TMTC2: variants seen among roughly 807,000 people sequenced by gnomAD.
TMTC2 encodes protein O-mannosyl-transferase TMTC2.
A neutral mutation model predicts 82.4 loss-of-function variants in TMTC2; 43 were observed. The observed-to-expected ratio is 0.52, with a 90% confidence interval of 0.41 to 0.67. The LOEUF (loss-of-function observed/expected upper bound fraction) is 0.67, where lower values mean the gene tolerates loss of function less well. Among genes scored for constraint, TMTC2 ranks in the 30% least tolerant of loss-of-function variants. The probability of loss-of-function intolerance (pLI) is 0.00; values close to 1 mark genes in which losing one functional copy is unlikely to be tolerated. For synonymous variants in TMTC2, 408 were observed against 381.9 expected (o/e 1.07, Z -0.80); for missense variants, 919 against 1,012.4 (o/e 0.91, Z 1.25).
At chr12:82,924,475 G>A (rs915786505) in intron 3 of TMTC2, among the ~76,000 whole-genome samples, 3 of 152,154 alleles carry the variant, frequency 2.0e-5, no homozygotes, top group Non-Finnish European at 4.4e-5. Context: ...AACCTTGTCT[G>A]AAGCTGGTAA....
chr12:82,874,846 G>A (rs972566708), intron 2 of TMTC2, among the ~76,000 whole-genome samples: 18 of 151,882 alleles, frequency 1.2e-4, no homozygotes, highest in African/African-American at 3.6e-4. Flanking sequence ...CTGATTCATT[G>A]TTCCATGCAA....
At chr12:82,698,480 T>C (rs893368139) in intron 1 of TMTC2, among the ~76,000 whole-genome samples, 5 of 152,210 alleles carry the variant, frequency 3.3e-5, no homozygotes, top group African/African-American at 1.2e-4. Context: ...TACTTAGCTG[T>C]AGAGTGGTTG....
intron 2 of TMTC2, among the ~76,000 whole-genome samples, chr12:82,872,814 CAAT>C (rs972901940): frequency 1.3e-5 from 2 of 152,126 alleles, no homozygotes; most frequent in African/African-American, 4.8e-5. Context: ...TTCCCTTATT[CAAT>C]ATCCAAAACC....
chr12:83,120,771 C>G (rs1248213156), intron 11 of TMTC2, among the ~76,000 whole-genome samples: 3 of 152,182 alleles, frequency 2.0e-5, no homozygotes, highest in South Asian at 2.1e-4. Context: ...GATTTATCTT[C>G]TTCCTCAAAA....
intron 4 of TMTC2, among the ~76,000 whole-genome samples, chr12:82,934,452 T>A (rs972552573): frequency 3.3e-5 from 5 of 149,458 alleles, no homozygotes; most frequent in Non-Finnish European, 7.4e-5. Flanking sequence ...ATAGTTCAAC[T>A]CCCACTTATG....
chr12:82,936,538 C>A (rs1437023379), intron 4 of TMTC2, among the ~76,000 whole-genome samples: 1 of 151,860 alleles, frequency 6.6e-6, no homozygotes, highest in Admixed American at 6.6e-5. Context: ...ATTTAAACAC[C>A]ATTATCAGAT....
intron 1 of TMTC2, among the ~76,000 whole-genome samples, chr12:82,744,399 G>A (rs1875573178): frequency 6.6e-6 from 1 of 152,082 alleles, no homozygotes; most frequent in Non-Finnish European, 1.5e-5. Context: ...CTTCAGCCCG[G>A]TTGACAGAGC....
chr12:82,691,214 A>T (rs1239317906), intron 1 of TMTC2, among the ~76,000 whole-genome samples: 1 of 152,200 alleles, frequency 6.6e-6, no homozygotes, highest in Non-Finnish European at 1.5e-5. Context: ...AGTAGAAAAT[A>T]TATTTGCGAC....
At chr12:82,822,167 G>GT in intron 1 of TMTC2, among the ~76,000 whole-genome samples, 1 of 152,236 alleles carries the variant, frequency 6.6e-6, no homozygotes, top group African/African-American at 2.4e-5. Context: ...AGGAGGGAGG[G>GT]ATGAAAAGGC....
intron 1 of TMTC2, among the ~76,000 whole-genome samples, chr12:82,706,028 G>T (rs1001000264): frequency 6.6e-6 from 1 of 152,044 alleles, no homozygotes; most frequent in Non-Finnish European, 1.5e-5. Context: ...GAGAGAGAAG[G>T]CTGGGTGAGG....
chr12:82,868,213 A>G (rs1871966516), intron 2 of TMTC2, among the ~76,000 whole-genome samples: 1 of 152,050 alleles, frequency 6.6e-6, no homozygotes, highest in Non-Finnish European at 1.5e-5. Flanking sequence ...TGATCTTTTT[A>G]TCTGTCATTT....
At chr12:82,931,914 A>G (rs2137245226) in intron 4 of TMTC2, among the ~76,000 whole-genome samples, 1 of 152,258 alleles carries the variant, frequency 6.6e-6, no homozygotes, top group African/African-American at 2.4e-5. Context: ...TGGGAGGGGC[A>G]ACGAGTCACT....
intron 9 of TMTC2, among the ~76,000 whole-genome samples, chr12:83,040,616 C>T (rs558054791): frequency 2.0e-5 from 3 of 150,660 alleles, no homozygotes; most frequent in African/African-American, 4.9e-5. Context: ...CTGCAGGGTT[C>T]CAGCCCTGAC....
chr12:83,097,098 G>C lies in TMTC2; in HGVS notation c.2332-35112G>C, dbSNP rs946156815. Among the ~76,000 whole-genome samples the C allele has an allele frequency of 5.5e-4, 83 of 152,172 alleles. 1 individual carries two copies. Among genetic ancestry groups the C allele is most frequent in the African/African-American group, 1.7e-3 (71 of 41,436 alleles). On this transcript the variant is annotated intron_variant, in intron 11 of 11. Transcript: ENST00000321196. ...TAAGTGCTGAATAAATACTTGTTGA[G>C]TGATTATGTGAAGCTAGATGATCTG...
intron 1 of TMTC2, among the ~76,000 whole-genome samples, chr12:82,814,669 G>A (rs1001193493): frequency 6.6e-6 from 1 of 152,076 alleles, no homozygotes; most frequent in African/African-American, 2.4e-5. Flanking sequence ...CAAAAGACAG[G>A]GTGTTCCTTA....
At chr12:82,815,467 C>G (rs1039201910) in intron 1 of TMTC2, among the ~76,000 whole-genome samples, 2 of 151,596 alleles carry the variant, frequency 1.3e-5, no homozygotes, top group African/African-American at 2.4e-5. Context: ...CCCGCCACCA[C>G]GCCCAGCTAA....
At chr12:83,064,352 C>A (rs999265501) in intron 11 of TMTC2, among the ~76,000 whole-genome samples, 1 of 151,738 alleles carries the variant, frequency 6.6e-6, no homozygotes, top group Non-Finnish European at 1.5e-5. Context: ...TTTTTCTGAA[C>A]CCTCAAAATG....
intron 1 of TMTC2, among the ~76,000 whole-genome samples, chr12:82,815,293 T>TTTTAA (rs1266551879): frequency 2.7e-5 from 4 of 150,444 alleles, no homozygotes; most frequent in Admixed American, 6.6e-5. Flanking sequence ...ATTTATTTTT[T>TTTTAA]TTAATTAATT....
At chr12:83,053,211 G>C (rs773306075) in intron 10 of TMTC2, among the ~76,000 whole-genome samples, 1 of 151,978 alleles carries the variant, frequency 6.6e-6, no homozygotes. Flanking sequence ...TTTCTCCTGG[G>C]GGTGATGCCA....
Sources: allele counts gnomAD v4.1 joint callset (sites outside exome capture counted in the v4.1 genomes callset), GRCh38; gene constraint gnomAD v4.1.1; transcripts MANE v1.5; gene names NCBI Gene and HGNC (gene_info 2026-07-23, HGNC 2026-07-21).